Variants in VSIG1 observed in about 807,000 individuals in gnomAD.
VSIG1 encodes the protein V-set and immunoglobulin domain-containing protein 1.
In VSIG1, 11 loss-of-function variants were observed where a neutral mutation model predicts 20.1. That is an observed-to-expected ratio of 0.55 (90% CI 0.34 to 0.91). The LOEUF is 0.91. Ranked by LOEUF, VSIG1 falls within the 40% of genes least tolerant of loss-of-function variation. VSIG1 has a pLI of 0.02. For synonymous variants in VSIG1, 126 were observed against 116.7 expected (o/e 1.08, Z -0.52); for missense variants, 283 against 298.8 (o/e 0.95, Z 0.39).
intron 1 of VSIG1, among the ~76,000 whole-genome samples, chrX:108,051,046 A>G (rs1302156197): frequency 9.0e-6 from 1 of 111,329 alleles, no homozygotes; most frequent in Admixed American, 9.5e-5. Flanking sequence ...TCCCTCTGAC[A>G]ACATCAGGTA....
At chrX:108,047,363 A>G (rs745609494) in intron 1 of VSIG1, among the ~76,000 whole-genome samples, 2 of 111,974 alleles carry the variant, frequency 1.8e-5, no homozygotes, top group East Asian at 5.6e-4. Context: ...AATTCAGGAA[A>G]ACGAGTTTTA....
At chrX:108,061,402 A>G (rs772015857) in intron 2 of VSIG1, 10 of 1,122,490 alleles carry the variant, frequency 8.9e-6, no homozygotes, top group Middle Eastern at 2.4e-4. Flanking sequence ...CAGCTCTCAG[A>G]TCCACCCATT....
chrX:108,073,191 A>G, intron 4 of VSIG1, 59 bp from the exon 5 acceptor site: 2 of 1,172,529 alleles, frequency 1.7e-6, no homozygotes, highest in African/African-American at 1.8e-5. Flanking sequence ...GATCTGTTAC[A>G]CTGATGTTAT....
intron 1 of VSIG1, among the ~76,000 whole-genome samples, chrX:108,047,402 A>G (rs957331159): frequency 9.0e-6 from 1 of 111,600 alleles, no homozygotes; most frequent in Non-Finnish European, 1.9e-5. Flanking sequence ...ATTTATGCAT[A>G]TCATTTTAGG....
At chrX:108,042,267 G>A (rs1292595859), upstream of VSIG1, among the ~76,000 whole-genome samples, 1 of 111,500 alleles carries the variant, frequency 9.0e-6, no homozygotes, top group Non-Finnish European at 1.9e-5. Flanking sequence ...AACAGATTTT[G>A]GTGCAGATGG....
intron 1 of VSIG1, among the ~76,000 whole-genome samples, chrX:108,049,394 A>G (rs2030736709): frequency 8.9e-6 from 1 of 112,132 alleles, no homozygotes; most frequent in African/African-American, 3.2e-5. Context: ...TGTGTCTGTC[A>G]TGTTCATTCT....
the VSIG1 span, among the ~76,000 whole-genome samples, chrX:108,029,383 C>T: frequency 3.2e-4 from 36 of 111,421 alleles, no homozygotes; most frequent in Admixed American, 3.2e-3. Flanking sequence ...GTTGTAATGA[C>T]ATAAGTTTGC....
At chrX:108,024,462 A>G in the VSIG1 span, among the ~76,000 whole-genome samples, 3 of 106,776 alleles carry the variant, frequency 2.8e-5, no homozygotes, top group Non-Finnish European at 3.9e-5. Context: ...TTTAATCTTT[A>G]TTATTCCTTT....
Position 108,058,038 on chromosome X carries a change from G to T in VSIG1, c.50G>T (p.Gly17Val), listed in dbSNP as rs1407234144. 1 of 1,198,356 alleles carries T rather than the reference G, an allele frequency of 8.3e-7. No individual in the cohort carries two copies. Among genetic ancestry groups the T allele is most frequent in the South Asian group, 1.9e-5 (1 of 53,937 alleles). The change falls in exon 2 of 7, where the codon GGT becomes GTT. Residue 17 changes from glycine to valine, a missense_variant and splice_region_variant. Coordinates refer to ENST00000217957, the MANE Select transcript of VSIG1 (RefSeq NM_182607.5). ...KVFLILSCLA[G>V]QVSVVQVTIP... is the part of the protein sequence containing the mutation. The stretch of plus-strand genomic sequence containing the variant: ...GATTTTTTTATGATTATCTTTTCAG[G>T]TCAGGTTAGTGTGGTGCAAGTGACC...
At chrX:108,069,716 G>A (rs1188556961) in intron 3 of VSIG1, among the ~76,000 whole-genome samples, 1 of 112,095 alleles carries the variant, frequency 8.9e-6, no homozygotes, top group Non-Finnish European at 1.9e-5. Context: ...GCCAGTTACT[G>A]TGCTAAGCAA....
At chrX:108,047,799 T>TACATATATACATATATATATAC in intron 1 of VSIG1, among the ~76,000 whole-genome samples, 1 of 68,561 alleles carries the variant, frequency 1.5e-5, no homozygotes, top group Non-Finnish European at 2.6e-5. Flanking sequence ...TCTATATATA[T>TACATATATACATATATATATAC]ATATATATAC....
upstream of VSIG1, among the ~76,000 whole-genome samples, chrX:108,042,189 G>C (rs1380703932): frequency 9.0e-6 from 1 of 111,665 alleles, no homozygotes; most frequent in East Asian, 2.8e-4. Context: ...TTCCTGTCCT[G>C]GTTAGGTCTT....
intron 4 of VSIG1, 135 bp downstream of exon 4, chrX:108,072,967 G>A: frequency 4.4e-6 from 3 of 687,608 alleles, no homozygotes; most frequent in Non-Finnish European, 6.4e-6. Context: ...GAGGGGGGCG[G>A]CTGGTAATGT....
the VSIG1 span, among the ~76,000 whole-genome samples, chrX:108,039,391 C>T: frequency 1.8e-5 from 2 of 110,770 alleles, no homozygotes; most frequent in African/African-American, 6.6e-5. Flanking sequence ...ACGGGGGTTT[C>T]ATCACGTTGG....
chrX:108,065,375 T>C lies in VSIG1; in HGVS notation c.214-1561T>C, dbSNP rs747772923. ...CCTCTCTGGGCTTTGGTTTCTTCTG[T>C]AAACTGAGGGAAGTGAATTAAATGA... On this transcript the variant is annotated intron_variant, in intron 2 of 6. Transcript: ENST00000217957. Among the ~76,000 whole-genome samples, 5 of 111,896 alleles carry C rather than the reference T, an allele frequency of 4.5e-5. No individual in the cohort carries two copies. The East Asian group carries it at 1.4e-3, about 31-fold the overall frequency.
intron 1 of VSIG1, among the ~76,000 whole-genome samples, chrX:108,045,546 G>A (rs1404800603): frequency 2.7e-5 from 3 of 112,887 alleles, no homozygotes; most frequent in Non-Finnish European, 5.6e-5. Flanking sequence ...TAAGCTCAGT[G>A]ATTGACTTGC....
intron 3 of VSIG1, among the ~76,000 whole-genome samples, chrX:108,067,724 C>A (rs773288729): frequency 1.8e-5 from 2 of 112,067 alleles, no homozygotes; most frequent in Non-Finnish European, 3.8e-5. Context: ...AATTTGGAAT[C>A]TCATTTGTTC....
chrX:108,040,984 T>A (rs1374606645), upstream of VSIG1, among the ~76,000 whole-genome samples: 1 of 108,453 alleles, frequency 9.2e-6, no homozygotes, highest in Non-Finnish European at 1.9e-5. Flanking sequence ...TGAATGGGAC[T>A]TTTTTTCCTC....
At chrX:108,047,873 C>T (rs868075288) in intron 1 of VSIG1, among the ~76,000 whole-genome samples, 36 of 24,980 alleles carry the variant, frequency 1.4e-3, no homozygotes, top group African/African-American at 3.6e-3. Context: ...TATATATACA[C>T]ATATATATAT....
Sources: gnomAD v4.1 joint callset for allele counts (sites outside exome capture counted in the v4.1 genomes callset) on GRCh38, gnomAD v4.1.1 for gene constraint, MANE v1.5 for transcripts, NCBI Gene and HGNC (gene_info 2026-07-23, HGNC 2026-07-21) for gene names.